Variants in CSMD1 observed in about 807,000 individuals in gnomAD.
The protein encoded by CSMD1 is CUB and sushi domain-containing protein 1.
CSMD1 carries 213 observed loss-of-function variants against 417.5 expected under a neutral mutation model. The observed-to-expected ratio is 0.51, with a 90% confidence interval of 0.46 to 0.57. CSMD1 has a LOEUF of 0.57. Among genes scored for constraint, CSMD1 ranks in the 20% least tolerant of loss-of-function variants. CSMD1 has a pLI of 0.00. For missense variants in CSMD1, 6,923 were observed against 4,529.7 expected (o/e 1.53, Z -15.17); for synonymous variants, 2,862 against 1,736.8 (o/e 1.65, Z -16.11).
At chr8:3,591,857 T>C (rs867379989) in intron 8 of CSMD1, among the ~76,000 whole-genome samples, 6 of 151,898 alleles carry the variant, frequency 4.0e-5, no homozygotes, top group Non-Finnish European at 7.4e-5. Flanking sequence ...GATAGATAAA[T>C]AGATGATAGA....
At chr8:4,073,656 C>A (rs998400880) in intron 3 of CSMD1, among the ~76,000 whole-genome samples, 1 of 152,076 alleles carries the variant, frequency 6.6e-6, no homozygotes, top group Non-Finnish European at 1.5e-5. Flanking sequence ...GGGAATAATT[C>A]TCTGAAGTAT....
rs1563116390 is a variant in CSMD1 at position 4,094,762 on chromosome 8, T to C, written c.416-62663A>G. 3.9e-5 allele frequency among the ~76,000 whole-genome samples: 6 copies of C among 152,232 alleles called. No homozygotes were observed. The South Asian group carries it at 8.3e-4, about 21-fold the overall frequency. On this transcript the variant is annotated intron_variant, in intron 3 of 69. Transcript: ENST00000635120. ...ATTCAGACAAATGATGGAGGTGAGATGCTGAGCTAACACTGCGCATGGAGT... is the reference window on the plus strand; with the variant it reads ...ATTCAGACAAATGATGGAGGTGAGACGCTGAGCTAACACTGCGCATGGAGT...
chr8:4,327,277 T>C (rs3947178), intron 3 of CSMD1, among the ~76,000 whole-genome samples: 90,415 of 152,128 alleles, frequency 0.59, 27,493 homozygotes, highest in Admixed American at 0.72. Context: ...CAATTGCTCT[T>C]TAAGTATCTC....
At chr8:3,170,263 A>G (rs1354471358) in intron 37 of CSMD1, among the ~76,000 whole-genome samples, 1 of 152,058 alleles carries the variant, frequency 6.6e-6, no homozygotes, top group Non-Finnish European at 1.5e-5. Context: ...GCTGGAGTGC[A>G]GTGGTGTGAT....
At chr8:4,973,439 G>C (rs979063456) in intron 1 of CSMD1, among the ~76,000 whole-genome samples, 6 of 152,014 alleles carry the variant, frequency 3.9e-5, no homozygotes, top group African/African-American at 1.4e-4. Flanking sequence ...ATGGGTTTTA[G>C]AACATTTTCT....
intron 13 of CSMD1, 132 bp downstream of exon 13, chr8:3,409,291 C>T (rs1208287929): frequency 2.8e-6 from 2 of 723,272 alleles, no homozygotes; most frequent in African/African-American, 1.8e-5. Flanking sequence ...TGCACGTTTC[C>T]AGTAAATGTG....
chr8:2,997,068 C>T (rs1806964628), intron 54 of CSMD1, among the ~76,000 whole-genome samples: 1 of 152,204 alleles, frequency 6.6e-6, no homozygotes, highest in Non-Finnish European at 1.5e-5. Context: ...CTGGCTTCAC[C>T]CCCTCACTCT....
chr8:4,273,609 T>C (rs1313031171), intron 3 of CSMD1, among the ~76,000 whole-genome samples: 1 of 152,216 alleles, frequency 6.6e-6, no homozygotes, highest in East Asian at 1.9e-4. Flanking sequence ...AAATTCAAAT[T>C]AAATGAGGTT....
intron 2 of CSMD1, among the ~76,000 whole-genome samples, chr8:4,498,500 T>G (rs970779950): frequency 2.0e-5 from 3 of 152,346 alleles, no homozygotes; most frequent in East Asian, 1.9e-4. Flanking sequence ...TAAAATTGAT[T>G]TAAATCACTA....
intron 2 of CSMD1, among the ~76,000 whole-genome samples, chr8:4,516,786 G>A (rs560564751): frequency 2.6e-5 from 4 of 152,174 alleles, no homozygotes; most frequent in South Asian, 2.1e-4. Flanking sequence ...TAAAGTTCTT[G>A]TTGACCAACC....
At chr8:3,228,446 G>T (rs1045397852) in intron 27 of CSMD1, among the ~76,000 whole-genome samples, 2 of 152,066 alleles carry the variant, frequency 1.3e-5, no homozygotes, top group African/African-American at 4.8e-5. Context: ...TAACACCTAC[G>T]CATGTAGGCG....
chr8:3,489,481 T>C (rs9314493), intron 11 of CSMD1, among the ~76,000 whole-genome samples: 51,908 of 152,032 alleles, frequency 0.34, 9,019 homozygotes, highest in African/African-American at 0.42. Context: ...GGGAAGGCCA[T>C]AGCTCTCCAT....
At chr8:3,962,083 T>G (rs41405147) in intron 5 of CSMD1, among the ~76,000 whole-genome samples, 1 of 152,182 alleles carries the variant, frequency 6.6e-6, no homozygotes, top group African/African-American at 2.4e-5. Flanking sequence ...CAGAGATAAC[T>G]TGAGCTTGGA....
intron 49 of CSMD1, among the ~76,000 whole-genome samples, chr8:3,078,757 G>A (rs1379077889): frequency 2.0e-5 from 3 of 152,238 alleles, no homozygotes; most frequent in South Asian, 2.1e-4. Flanking sequence ...GAACAAGAAG[G>A]GAAGTATGTT....
chr8:4,195,648 C>T (rs1799292364), intron 3 of CSMD1, among the ~76,000 whole-genome samples: 1 of 152,136 alleles, frequency 6.6e-6, no homozygotes. Context: ...GTTATCGATG[C>T]TCCTTCTAGG....
chr8:4,985,148 G>T (rs1197436269), intron 1 of CSMD1, among the ~76,000 whole-genome samples: 1 of 152,096 alleles, frequency 6.6e-6, no homozygotes, highest in Admixed American at 6.5e-5. Flanking sequence ...CTTATAAGTG[G>T]GAGCAAAATG....
At chr8:4,686,983 G>A (rs1806426333) in intron 1 of CSMD1, among the ~76,000 whole-genome samples, 1 of 152,198 alleles carries the variant, frequency 6.6e-6, no homozygotes, top group Non-Finnish European at 1.5e-5. Context: ...ACAGGGAGGT[G>A]GCAAGACCAC....
At chr8:3,386,314 G>A (rs13251911) in intron 18 of CSMD1, among the ~76,000 whole-genome samples, 8 of 152,064 alleles carry the variant, frequency 5.3e-5, no homozygotes, top group Non-Finnish European at 1.0e-4. Context: ...CAGCCTGCTC[G>A]TGTGGCCCCA....
intron 40 of CSMD1, among the ~76,000 whole-genome samples, chr8:3,146,100 T>C (rs1298422460): frequency 1.3e-5 from 2 of 152,232 alleles, no homozygotes; most frequent in African/African-American, 4.8e-5. Flanking sequence ...GAACCTTTTA[T>C]ATTGTCCCTA....
Sources: allele counts gnomAD v4.1 joint callset (sites outside exome capture counted in the v4.1 genomes callset), GRCh38; gene constraint gnomAD v4.1.1; transcripts MANE v1.5; gene names NCBI Gene and HGNC (gene_info 2026-07-23, HGNC 2026-07-21).